The following ANKRD30A variants were observed in gnomAD, a reference collection of about 807,000 sequenced individuals.
The protein encoded by ANKRD30A is ankyrin repeat domain-containing protein 30A.
Under a neutral mutation model 166.3 loss-of-function variants are expected in ANKRD30A, and 170 were observed. The observed-to-expected ratio is 1.02, with a 90% CI of 0.90 to 1.16. The LOEUF (loss-of-function observed/expected upper bound fraction) is 1.16, where lower values mean the gene tolerates loss of function less well. Among genes scored for constraint, ANKRD30A ranks in the 50% most tolerant of loss-of-function variants. ANKRD30A has a pLI of 0.00. For missense variants in ANKRD30A, 1,630 were observed against 1,518.0 expected (o/e 1.07, Z -1.23); for synonymous variants, 564 against 508.9 (o/e 1.11, Z -1.46).
intron 34 of ANKRD30A, among the ~76,000 whole-genome samples, chr10:37,225,740 C>T (rs1843117358): frequency 6.6e-6 from 1 of 151,670 alleles, no homozygotes; most frequent in Non-Finnish European, 1.5e-5. Context: ...GATACAAAAG[C>T]AAGCAGTACG....
chr10:37,224,607 T>C (rs985381548), intron 34 of ANKRD30A, among the ~76,000 whole-genome samples: 1 of 151,498 alleles, frequency 6.6e-6, no homozygotes, highest in Non-Finnish European at 1.5e-5. Context: ...CCTCAGTGCC[T>C]TTGAAGCCCC....
At chr10:37,252,497 A>G in the ANKRD30A span, among the ~76,000 whole-genome samples, 1 of 152,100 alleles carries the variant, frequency 6.6e-6, no homozygotes. Flanking sequence ...AGCTTAAACT[A>G]TTTCCGACCT....
chr10:37,179,169 A>G (rs1171302214), intron 24 of ANKRD30A, among the ~76,000 whole-genome samples: 2 of 150,662 alleles, frequency 1.3e-5, no homozygotes, highest in Non-Finnish European at 3.0e-5. Context: ...GTGTTGGTAA[A>G]ATTGCCATTT....
At chr10:37,193,023 A>T (rs201379498) in intron 25 of ANKRD30A, 41 bp from the exon 26 acceptor site, 813 of 1,600,724 alleles carry the variant, frequency 5.1e-4, no homozygotes, top group Middle Eastern at 1.1e-3. Context: ...GGCTTTGTCA[A>T]GCTTGCATAC....
intron 11 of ANKRD30A, among the ~76,000 whole-genome samples, chr10:37,150,320 TTGTG>T (rs551224606): frequency 1.3e-5 from 2 of 151,332 alleles, no homozygotes; most frequent in African/African-American, 4.8e-5. Context: ...CTCTGTGTGT[TTGTG>T]TGTGTGTGTG....
chr10:37,150,285 A>C (rs764196891), intron 11 of ANKRD30A, among the ~76,000 whole-genome samples: 1 of 151,972 alleles, frequency 6.6e-6, no homozygotes. Flanking sequence ...GAATCCTAAG[A>C]AAATCAGTAA....
In ANKRD30A at chr10:37,130,026, T is replaced by C. The variant is rs1439389158; in HGVS notation, c.336+19T>C. 4 of 1,458,914 alleles carry C rather than the reference T, an allele frequency of 2.7e-6. No individual in the cohort carries two copies. Among genetic ancestry groups the C allele is most frequent in the Non-Finnish European group, 3.6e-6 (4 of 1,098,752 alleles). 90.4% of individuals were successfully genotyped at this position (1,458,914 alleles called of 1,614,324 possible). Reference sequence around the variant, plus strand: ...GATGAAGGTAAATAGTAGCCAGATTTTTCAGCAGGAGATGGATTTGGTTTA... The same window carrying C: ...GATGAAGGTAAATAGTAGCCAGATTCTTCAGCAGGAGATGGATTTGGTTTA... On this transcript the variant is annotated intron_variant, in intron 2 of 35. Coordinates refer to ENST00000361713, the MANE Select transcript of ANKRD30A (RefSeq NM_052997.3).
intron 15 of ANKRD30A, among the ~76,000 whole-genome samples, chr10:37,159,959 A>C (rs1208347909): frequency 2.0e-5 from 3 of 152,146 alleles, no homozygotes; most frequent in African/African-American, 4.8e-5. Flanking sequence ...TCGGCCTCCC[A>C]AAGTACTGGA....
At chr10:37,237,403 T>C (rs1843712322), downstream of ANKRD30A, among the ~76,000 whole-genome samples, 1 of 152,198 alleles carries the variant, frequency 6.6e-6, no homozygotes, top group Non-Finnish European at 1.5e-5. Flanking sequence ...CAGATACAAG[T>C]AGAGCTAACT....
chr10:37,201,434 A>G, intron 31 of ANKRD30A, 109 bp downstream of exon 31: 1 of 804,298 alleles, frequency 1.2e-6, no homozygotes, highest in South Asian at 2.2e-5. Context: ...AATGCAAACC[A>G]TGGAAAAAAA....
chr10:37,155,159 T>C (rs1341288150), intron 13 of ANKRD30A, among the ~76,000 whole-genome samples: 1 of 152,226 alleles, frequency 6.6e-6, no homozygotes, highest in Non-Finnish European at 1.5e-5. Context: ...TTACTGATTT[T>C]AACATAGAAA....
Position 37,132,312 on chromosome 10 carries a change from A to G in ANKRD30A, c.583A>G (p.Asn195Asp), listed in dbSNP as rs1418766022. ...AATTGTGGAATTTTTGCTGATAAAAAATGCAAATGCGAATGCAGTTAATAA... is the reference window on the plus strand; with the variant it reads ...AATTGTGGAATTTTTGCTGATAAAAGATGCAAATGCGAATGCAGTTAATAA... ...EQIVEFLLIK[N>D]ANANAVNKYK... is the part of the protein sequence containing the mutation. Residue 195 changes from asparagine (N) to aspartate (D), a missense_variant, in exon 4 of 36, where the codon AAT becomes GAT. Asn to Asp is a conservative substitution (Grantham distance 23). This residue lies in a region of ANKRD30A where 904 missense variants were observed against 818.5 expected (regional missense o/e 1.10). Coordinates refer to ENST00000361713, the MANE Select transcript of ANKRD30A (RefSeq NM_052997.3). 6.2e-7 allele frequency: 1 copy of G among 1,604,132 alleles called. No individual in the cohort carries two copies. Among genetic ancestry groups the G allele is most frequent in the South Asian group, 1.1e-5 (1 of 88,150 alleles).
At chr10:37,135,588 A>G (rs1475933798) in intron 5 of ANKRD30A, among the ~76,000 whole-genome samples, 1 of 152,232 alleles carries the variant, frequency 6.6e-6, no homozygotes, top group Admixed American at 6.5e-5. Flanking sequence ...CTTACAAAAA[A>G]CAGTGGTGGG....
chr10:37,140,147 T>C (rs1837002674), intron 6 of ANKRD30A, among the ~76,000 whole-genome samples: 2 of 152,222 alleles, frequency 1.3e-5, no homozygotes, highest in South Asian at 4.1e-4. Flanking sequence ...TTAATTCTTA[T>C]TGCCTTCATG....
At chr10:37,232,344 C>T (rs1219977905) in intron 35 of ANKRD30A, among the ~76,000 whole-genome samples, 155 bp from the exon 36 acceptor site, 1 of 151,446 alleles carries the variant, frequency 6.6e-6, no homozygotes, top group African/African-American at 2.4e-5. Context: ...TTTACAATAG[C>T]TTGAAAATAG....
chr10:37,161,577 A>C (rs1254927965), intron 15 of ANKRD30A, among the ~76,000 whole-genome samples: 1 of 152,186 alleles, frequency 6.6e-6, no homozygotes, highest in Non-Finnish European at 1.5e-5. Context: ...GAGTGAACTC[A>C]CTTCAGTTGC....
At chr10:37,242,526 T>C in the ANKRD30A span, among the ~76,000 whole-genome samples, 1 of 152,236 alleles carries the variant, frequency 6.6e-6, no homozygotes, top group Non-Finnish European at 1.5e-5. Flanking sequence ...TATGGATTCA[T>C]GGTTCATTCT....
At chr10:37,249,158 T>C in the ANKRD30A span, among the ~76,000 whole-genome samples, 6 of 152,222 alleles carry the variant, frequency 3.9e-5, no homozygotes, top group African/African-American at 1.4e-4. Context: ...CGGATATTCC[T>C]GATGGGTACC....
chr10:37,131,172 C>T (rs113267775), intron 3 of ANKRD30A, among the ~76,000 whole-genome samples: 2 of 7,320 alleles, frequency 2.7e-4, no homozygotes, highest in Admixed American at 3.4e-3. Flanking sequence ...ATATTATATC[C>T]TTCTCAGAAT....
Sources: allele counts gnomAD v4.1 joint callset (sites outside exome capture counted in the v4.1 genomes callset), GRCh38; gene constraint gnomAD v4.1.1; regional missense constraint gnomAD v4.1.1; transcripts MANE v1.5; gene names NCBI Gene and HGNC (gene_info 2026-07-23, HGNC 2026-07-21).